Variants in NXPE2 observed in about 807,000 individuals in gnomAD.
NXPE2 encodes NXPE family member 2.
In NXPE2, 34 loss-of-function variants were observed where a neutral mutation model predicts 34.4. That is an observed-to-expected ratio of 0.99 (90% CI 0.75 to 1.31). The LOEUF (loss-of-function observed/expected upper bound fraction) is 1.31. NXPE2 is among the 40% of genes most tolerant of loss of function. NXPE2 has a pLI of 0.00. For synonymous variants in NXPE2, 235 were observed against 231.3 expected, an observed-to-expected ratio of 1.02 and a Z score of -0.15; for missense variants, 649 against 672.5, an observed-to-expected ratio of 0.97 and a Z score of 0.39.
At chr11:114,548,026 A>T in the NXPE2 span, among the ~76,000 whole-genome samples, 2 of 152,170 alleles carry the variant, frequency 1.3e-5, no homozygotes, top group Non-Finnish European at 2.9e-5. Flanking sequence ...TAAATACCAC[A>T]TTAAAAAAAA....
At chr11:114,515,737 T>TCAC in the NXPE2 span, among the ~76,000 whole-genome samples, 1 of 146,620 alleles carries the variant, frequency 6.8e-6, no homozygotes, top group Non-Finnish European at 1.5e-5. Context: ...GAGGCTGTGG[T>TCAC]TAGAAAGTAA....
chr11:114,765,590 A>G, the NXPE2 span, among the ~76,000 whole-genome samples: 6 of 152,196 alleles, frequency 3.9e-5, no homozygotes, highest in African/African-American at 1.4e-4. Context: ...AATCCACAAT[A>G]TCTCTGAGGT....
At chr11:114,569,676 G>A in the NXPE2 span, among the ~76,000 whole-genome samples, 7 of 152,106 alleles carry the variant, frequency 4.6e-5, no homozygotes, top group Non-Finnish European at 8.8e-5. Flanking sequence ...CACTCTGGCC[G>A]TAGTGTAGTG....
At chr11:114,630,979 AT>A in the NXPE2 span, among the ~76,000 whole-genome samples, 1 of 151,030 alleles carries the variant, frequency 6.6e-6, no homozygotes, top group South Asian at 2.1e-4. Flanking sequence ...ATGAGATACC[AT>A]CTCACACCAG....
At chr11:114,575,595 C>A in the NXPE2 span, among the ~76,000 whole-genome samples, 1 of 151,624 alleles carries the variant, frequency 6.6e-6, no homozygotes. Flanking sequence ...TTCACAATAG[C>A]TGTAAAATAA....
chr11:114,616,960 A>G, the NXPE2 span, among the ~76,000 whole-genome samples: 1 of 146,760 alleles, frequency 6.8e-6, no homozygotes, highest in East Asian at 1.9e-4. Context: ...ATCCACTCTT[A>G]CCCGGTTTAT....
the NXPE2 span, among the ~76,000 whole-genome samples, chr11:114,782,225 A>G: frequency 2.0e-5 from 3 of 152,216 alleles, no homozygotes; most frequent in Non-Finnish European, 4.4e-5. Context: ...GAATCCATGG[A>G]TACCAAACCC....
At chr11:114,590,966 C>T in the NXPE2 span, among the ~76,000 whole-genome samples, 1 of 152,174 alleles carries the variant, frequency 6.6e-6, no homozygotes, top group Non-Finnish European at 1.5e-5. Context: ...CTAAACCCAG[C>T]CACTTTCCTC....
the NXPE2 span, among the ~76,000 whole-genome samples, chr11:114,717,526 C>T: frequency 6.6e-6 from 1 of 152,300 alleles, no homozygotes; most frequent in South Asian, 2.1e-4. Context: ...GTTAAATATT[C>T]CTAAGTTCAA....
the NXPE2 span, among the ~76,000 whole-genome samples, chr11:114,509,795 A>T: frequency 6.6e-6 from 1 of 152,188 alleles, no homozygotes; most frequent in African/African-American, 2.4e-5. Context: ...GAGGAGGGAA[A>T]GAGGATGAGT....
At chr11:114,597,699 T>C in the NXPE2 span, among the ~76,000 whole-genome samples, 1 of 152,064 alleles carries the variant, frequency 6.6e-6, no homozygotes, top group African/African-American at 2.4e-5. Flanking sequence ...GGATATGAAA[T>C]GAGCCTGGAG....
the NXPE2 span, among the ~76,000 whole-genome samples, chr11:114,632,940 T>G: frequency 1.0e-5 from 1 of 98,708 alleles, no homozygotes; most frequent in East Asian, 2.6e-4. Flanking sequence ...TAATAATATA[T>G]ATTATATGAT....
At chr11:114,656,715 G>T in the NXPE2 span, among the ~76,000 whole-genome samples, 1 of 152,040 alleles carries the variant, frequency 6.6e-6, no homozygotes, top group Non-Finnish European at 1.5e-5. Context: ...GCCAAATCAT[G>T]AAATTAATTA....
the NXPE2 span, among the ~76,000 whole-genome samples, chr11:114,807,734 A>T: frequency 6.7e-6 from 1 of 149,784 alleles, no homozygotes; most frequent in Non-Finnish European, 1.5e-5. Flanking sequence ...CTCCCACACA[A>T]TAATAATGGG....
the NXPE2 span, among the ~76,000 whole-genome samples, chr11:114,772,864 G>GGGGATTTAGT: frequency 1.2e-4 from 18 of 152,268 alleles, no homozygotes; most frequent in African/African-American, 4.3e-4. Context: ...AATCGTCTCA[G>GGGGATTTAGT]CATAGTCTGT....
At chr11:114,503,857 A>G in the NXPE2 span, among the ~76,000 whole-genome samples, 4 of 152,222 alleles carry the variant, frequency 2.6e-5, no homozygotes, top group Admixed American at 6.5e-5. Flanking sequence ...TCTGCAGGGT[A>G]GTCTTGCACA....
the NXPE2 span, among the ~76,000 whole-genome samples, chr11:114,562,576 A>G: frequency 3.3e-5 from 5 of 152,210 alleles, no homozygotes; most frequent in South Asian, 1.0e-3. Context: ...CTATTTAATT[A>G]TGCCATTTTC....
the NXPE2 span, among the ~76,000 whole-genome samples, chr11:114,758,916 T>C: frequency 6.6e-6 from 1 of 151,280 alleles, no homozygotes; most frequent in South Asian, 2.1e-4. Context: ...ACTATATGTG[T>C]ACATATAAAA....
At chr11:114,806,287 C>T in the NXPE2 span, among the ~76,000 whole-genome samples, 2 of 152,212 alleles carry the variant, frequency 1.3e-5, no homozygotes, top group African/African-American at 2.4e-5. Flanking sequence ...AATCAGAGCG[C>T]CTCTCCTCCT....
Sources: allele counts gnomAD v4.1 joint callset (sites outside exome capture counted in the v4.1 genomes callset), GRCh38; gene constraint gnomAD v4.1.1; transcripts MANE v1.5; gene names NCBI Gene and HGNC (gene_info 2026-07-23, HGNC 2026-07-21).